IRS1: variants seen among roughly 807,000 people sequenced by gnomAD.
The protein encoded by IRS1 is insulin receptor substrate 1.
IRS1 carries 34 observed loss-of-function variants against 65.6 expected under a neutral mutation model. That is an observed-to-expected ratio of 0.52 (90% CI 0.39 to 0.69). The LOEUF is 0.69. Ranked by LOEUF, IRS1 falls within the 30% of genes least tolerant of loss-of-function variation. The probability of loss-of-function intolerance (pLI) is 0.00; values close to 1 mark genes in which losing one functional copy is unlikely to be tolerated. For synonymous variants in IRS1, 699 were observed against 683.5 expected (o/e 1.02, Z -0.35); for missense variants, 1,641 against 1,720.2 (o/e 0.95, Z 0.81).
chr2:226,797,926 C>T lies in IRS1; in HGVS notation c.813G>A (p.Gln271=). The change falls in exon 1 of 2, where the codon CAG becomes CAA. Residue 271 remains glutamine, a synonymous_variant. Coordinates refer to ENST00000305123, the MANE Select transcript of IRS1 (RefSeq NM_005544.3). This position sits in a 1 kb window ranked among gnomAD's most constrained non-coding sequence, Gnocchi z 8.1. Reference sequence around the variant, plus strand: ...TGGGGTTAGAGCAGTTGGACGAGGACTGGCTCTTGCTGCGAGGGCGGAACT... The same window carrying T: ...TGGGGTTAGAGCAGTTGGACGAGGATTGGCTCTTGCTGCGAGGGCGGAACT... ...SDEFRPRSKS[Q]SSSNCSNPIS... is the part of the protein sequence containing the mutation. 6.2e-7 allele frequency: 1 copy of T among 1,614,052 alleles called. No individual in the cohort carries two copies. The highest frequency in any genetic ancestry group is 8.5e-7 in the Non-Finnish European group (1 of 1,180,012).
chr2:226,755,515 C>CA (rs979027702), intron 1 of IRS1, among the ~76,000 whole-genome samples: 159 of 152,264 alleles, frequency 1.0e-3, no homozygotes, highest in African/African-American at 3.8e-3. Context: ...TCTGTGTACA[C>CA]AAAAATCTAA....
intron 1 of IRS1, chr2:226,792,131 G>T (rs542380955): frequency 1.3e-5 from 2 of 151,990 alleles, no homozygotes; most frequent in South Asian, 2.1e-4. Context: ...GTCTTTTTCT[G>T]TTTTTTTTCT....
intron 1 of IRS1, among the ~76,000 whole-genome samples, chr2:226,783,926 G>A (rs2106178025): frequency 6.6e-6 from 1 of 152,138 alleles, no homozygotes; most frequent in African/African-American, 2.4e-5. Context: ...TGAGGACTGG[G>A]TCAGTCTGCT....
At chr2:226,751,015 G>A (rs1938667510) in intron 1 of IRS1, among the ~76,000 whole-genome samples, 1 of 152,126 alleles carries the variant, frequency 6.6e-6, no homozygotes, top group African/African-American at 2.4e-5. Flanking sequence ...AATACTAAGA[G>A]GGCTTAGTTG....
At chr2:226,750,824 C>G in intron 1 of IRS1, among the ~76,000 whole-genome samples, 1 of 152,100 alleles carries the variant, frequency 6.6e-6, no homozygotes, top group East Asian at 1.9e-4. Context: ...TTAGGATCTG[C>G]TGGGGATTTT....
At chr2:226,775,769 T>C (rs1273363177) in intron 1 of IRS1, among the ~76,000 whole-genome samples, 1 of 152,212 alleles carries the variant, frequency 6.6e-6, no homozygotes. Context: ...TGGTGTAGTG[T>C]TTGCATATAA....
At chr2:226,766,148 TATATATA>T (rs1241935344) in intron 1 of IRS1, among the ~76,000 whole-genome samples, 13 of 7,434 alleles carry the variant, frequency 1.7e-3, no homozygotes, top group East Asian at 9.9e-3. Context: ...TATATATATA[TATATATA>T]TATATATATT....
At chr2:226,745,899 T>C (rs1203788245) in intron 1 of IRS1, among the ~76,000 whole-genome samples, 1 of 152,068 alleles carries the variant, frequency 6.6e-6, no homozygotes, top group Non-Finnish European at 1.5e-5. Context: ...CAAAGTTATT[T>C]CAGAAAGGAG....
chr2:226,770,965 GC>G (rs1939152331), intron 1 of IRS1, among the ~76,000 whole-genome samples: 1 of 152,104 alleles, frequency 6.6e-6, no homozygotes, highest in South Asian at 2.1e-4. Flanking sequence ...TTTGGGGTAA[GC>G]TATGATGATG....
chr2:226,774,729 T>G (rs1006101331), intron 1 of IRS1, among the ~76,000 whole-genome samples: 13 of 152,200 alleles, frequency 8.5e-5, no homozygotes, highest in Admixed American at 4.6e-4. Flanking sequence ...AAACTATGTT[T>G]CATCCATACA....
In IRS1 at chr2:226,796,726, G is replaced by C; in HGVS notation, c.2013C>G (p.Cys671Trp). The C allele has an allele frequency of 6.2e-7, 1 of 1,612,918 alleles. No individual in the cohort carries two copies. Among genetic ancestry groups the C allele is most frequent in the Non-Finnish European group, 8.5e-7 (1 of 1,179,280 alleles). Reference sequence around the variant, plus strand: ...TGGGGCCACCTCCAATGTCAGGAGAGCAGCCACCGCTGGGGGACATCATCA... The same window carrying C: ...TGGGGCCACCTCCAATGTCAGGAGACCAGCCACCGCTGGGGGACATCATCA... The part of the protein sequence containing the change: ...GYMMMSPSGG[C>W]SPDIGGGPSS... Residue 671 changes from cysteine to tryptophan, a missense_variant, in exon 1 of 2, where the codon TGC becomes TGG. By Grantham distance (215) the Cys-to-Trp change is radical (BLOSUM62 -2). Coordinates refer to ENST00000305123, the MANE Select transcript of IRS1 (RefSeq NM_005544.3).
At chr2:226,777,533 T>C (rs1034419144) in intron 1 of IRS1, among the ~76,000 whole-genome samples, 2 of 152,202 alleles carry the variant, frequency 1.3e-5, no homozygotes, top group African/African-American at 4.8e-5. Context: ...AACTCGCTGA[T>C]ATGGCTTGGC....
chr2:226,741,084 C>T (rs1938427439), intron 1 of IRS1, among the ~76,000 whole-genome samples: 2 of 152,032 alleles, frequency 1.3e-5, no homozygotes, highest in Non-Finnish European at 2.9e-5. Context: ...GACTTATATT[C>T]CCCATCACCA....
At chr2:226,751,640 G>T (rs1265349624) in intron 1 of IRS1, among the ~76,000 whole-genome samples, 2 of 152,050 alleles carry the variant, frequency 1.3e-5, no homozygotes, top group Admixed American at 1.3e-4. Flanking sequence ...AGGGCCCAGT[G>T]ACAGAGGCAG....
rs577682409 is a variant in IRS1, at chr2:226,789,212, T to C, written c.*21+5777A>G. Among the ~76,000 whole-genome samples the C allele has an allele frequency of 3.9e-5, 6 of 152,340 alleles. No homozygotes were observed. The South Asian group carries it at 1.2e-3, about 32-fold the overall frequency. On this transcript the variant is annotated intron_variant, in intron 1 of 1. Coordinates refer to ENST00000305123, the MANE Select transcript of IRS1 (RefSeq NM_005544.3). ...TTCAGCTAAGACACATATCTGATTA[T>C]AGTGAGAGGATTGGAAAAGCATAAG... is the stretch of plus-strand genomic sequence containing the variant.
chr2:226,766,454 C>T (rs1205120773), intron 1 of IRS1, among the ~76,000 whole-genome samples: 3 of 151,606 alleles, frequency 2.0e-5, no homozygotes, highest in Admixed American at 6.6e-5. Context: ...TGAGCCACCA[C>T]GCCCAGCCAA....
At chr2:226,773,454 G>A (rs1346894924) in intron 1 of IRS1, among the ~76,000 whole-genome samples, 2 of 151,924 alleles carry the variant, frequency 1.3e-5, no homozygotes, top group South Asian at 4.2e-4. Flanking sequence ...TATAAAAGAA[G>A]CCTCACTGTA....
Position 226,760,615 on chromosome 2 carries a change from A to G in IRS1, c.*22-24365T>C, listed in dbSNP as rs549060029. On this transcript the variant is annotated intron_variant, in intron 1 of 1. Coordinates refer to ENST00000305123, the MANE Select transcript of IRS1 (RefSeq NM_005544.3). Reference sequence around the variant, plus strand: ...TCTCTGCATCAGAGGAAAACCCTCAACCCCACCCCCCTCCACAAAAGATGA... The same window carrying G: ...TCTCTGCATCAGAGGAAAACCCTCAGCCCCACCCCCCTCCACAAAAGATGA... Among the ~76,000 whole-genome samples the G allele has an allele frequency of 3.3e-5, 5 of 152,150 alleles. No individual in the cohort carries two copies. The South Asian group carries it at 8.3e-4, about 25-fold the overall frequency.
At chr2:226,752,883 T>C (rs920166794) in intron 1 of IRS1, among the ~76,000 whole-genome samples, 3 of 152,228 alleles carry the variant, frequency 2.0e-5, no homozygotes, top group African/African-American at 7.2e-5. Flanking sequence ...TCAGCCTCAC[T>C]GAGCTGCGGT....
Sources: allele counts gnomAD v4.1 joint callset (sites outside exome capture counted in the v4.1 genomes callset), GRCh38; gene constraint gnomAD v4.1.1; non-coding constraint Gnocchi (gnomAD v3.1); transcripts MANE v1.5; gene names NCBI Gene and HGNC (gene_info 2026-07-23, HGNC 2026-07-21).